Variants in CYRIA observed in about 807,000 individuals in gnomAD.
The protein encoded by CYRIA is CYFIP-related Rac1 interactor A.
In CYRIA, 15 loss-of-function variants were observed where a neutral mutation model predicts 43.9. The observed-to-expected ratio is 0.34, with a 90% CI of 0.23 to 0.53. CYRIA has a LOEUF of 0.53. Among genes scored for constraint, CYRIA ranks in the 20% least tolerant of loss-of-function variants. CYRIA has a pLI of 0.94. For missense variants in CYRIA, 236 were observed against 394.2 expected, an observed-to-expected ratio of 0.60 and a Z score of 3.40; for synonymous variants, 117 against 136.0, an observed-to-expected ratio of 0.86 and a Z score of 0.97.
intron 1 of CYRIA, among the ~76,000 whole-genome samples, chr2:16,645,581 C>T (rs1372473011): frequency 2.6e-5 from 4 of 152,090 alleles, no homozygotes; most frequent in East Asian, 3.9e-4. Context: ...AAGGTGATCA[C>T]GTCATTGGAA....
intron 10 of CYRIA, among the ~76,000 whole-genome samples, chr2:16,558,094 C>G (rs1373693675): frequency 1.3e-5 from 2 of 152,230 alleles, no homozygotes; most frequent in Non-Finnish European, 2.9e-5. Flanking sequence ...ACACAAGCAT[C>G]TATACTAAAA....
Position 16,559,835 on chromosome 2 carries a change from C to T in CYRIA, c.711-249G>A, listed in dbSNP as rs144946271. ...AATTCCCTTCTCATCTGCCCTTCAG[C>T]GGGCTAGCTCATCATGTACCTCACT... On this transcript the variant is annotated intron_variant, in intron 9 of 11. Coordinates refer to ENST00000381323, the MANE Select transcript of CYRIA (RefSeq NM_030797.4). Among the ~76,000 whole-genome samples, 173 of 152,260 alleles carry T rather than the reference C, an allele frequency of 1.1e-3. 2 individuals are homozygous for T. The highest frequency in any genetic ancestry group is 0.01 in the Admixed American group (160 of 15,290).
chr2:16,664,387 C>A (rs946197541), intron 1 of CYRIA, among the ~76,000 whole-genome samples: 1 of 152,112 alleles, frequency 6.6e-6, no homozygotes, highest in African/African-American at 2.4e-5. Flanking sequence ...AAAGACAGGA[C>A]AACGGACCAA....
intron 10 of CYRIA, 103 bp from the exon 11 acceptor site, chr2:16,555,242 C>T (rs149524306): frequency 3.6e-4 from 395 of 1,094,002 alleles, no homozygotes; most frequent in Non-Finnish European, 4.7e-4. Context: ...TATATCTTCC[C>T]ATAGAAATCC....
intron 2 of CYRIA, among the ~76,000 whole-genome samples, chr2:16,623,415 C>T (rs534620793): frequency 5.5e-4 from 83 of 152,258 alleles, no homozygotes; most frequent in Admixed American, 2.5e-3. Flanking sequence ...GCTGTAAGCG[C>T]CCTTGGATGA....
chr2:16,577,459 C>T (rs993215475), intron 3 of CYRIA, among the ~76,000 whole-genome samples: 1 of 152,012 alleles, frequency 6.6e-6, no homozygotes, highest in African/African-American at 2.4e-5. Context: ...CTACAAAATC[C>T]TTGTTATTTT....
At chr2:16,593,699 T>TGTG (rs200237311) in intron 2 of CYRIA, among the ~76,000 whole-genome samples, 6 of 82,196 alleles carry the variant, frequency 7.3e-5, no homozygotes, top group African/African-American at 2.6e-4. Context: ...TGTGTGTGTG[T>TGTG]TTTTTTTTGT....
intron 3 of CYRIA, among the ~76,000 whole-genome samples, 200 bp downstream of exon 3, chr2:16,587,850 G>A (rs933136968): frequency 6.6e-6 from 1 of 152,120 alleles, no homozygotes; most frequent in African/African-American, 2.4e-5. Flanking sequence ...CCTGAGCCAT[G>A]TGGAACCGTG....
At chr2:16,623,488 T>C (rs1233602813) in intron 2 of CYRIA, among the ~76,000 whole-genome samples, 2 of 152,224 alleles carry the variant, frequency 1.3e-5, no homozygotes. Flanking sequence ...GTCCGTTCTC[T>C]GACATGGGAT....
intron 3 of CYRIA, among the ~76,000 whole-genome samples, chr2:16,587,521 A>G (rs1277079995): frequency 6.6e-6 from 1 of 152,126 alleles, no homozygotes; most frequent in Non-Finnish European, 1.5e-5. Context: ...TTTCTTAAAA[A>G]TTAGGGAAAA....
chr2:16,582,738 C>T (rs747783096), intron 3 of CYRIA, among the ~76,000 whole-genome samples: 1 of 152,138 alleles, frequency 6.6e-6, no homozygotes, highest in Non-Finnish European at 1.5e-5. Context: ...ATTGATATAA[C>T]ATTTCATTTG....
chr2:16,652,775 C>T (rs1431726134), intron 1 of CYRIA, among the ~76,000 whole-genome samples: 4 of 152,106 alleles, frequency 2.6e-5, no homozygotes, highest in Non-Finnish European at 5.9e-5. Flanking sequence ...AGTTAATCCC[C>T]GGGGATTCTG....
At position 16,631,356 on chromosome 2, in the gene CYRIA, C is replaced by T. The variant is rs564949526; in HGVS notation, c.-166-7337G>A. Among the ~76,000 whole-genome samples the T allele has an allele frequency of 5.3e-5, 8 of 152,228 alleles. No individual in the cohort carries two copies. The East Asian group carries it at 5.8e-4, about 11-fold the overall frequency. On this transcript the variant is annotated intron_variant, in intron 1 of 11. Coordinates refer to ENST00000381323, the MANE Select transcript of CYRIA (RefSeq NM_030797.4). ...TCTCTGAGGGCAGTGAATAGCCCAG[C>T]GTAGCTGGGGAGGAAGGAAAGAGGT...
At chr2:16,556,059 C>G (rs1312791790) in intron 10 of CYRIA, among the ~76,000 whole-genome samples, 1 of 152,076 alleles carries the variant, frequency 6.6e-6, no homozygotes, top group African/African-American at 2.4e-5. Context: ...TTTGGCAAAG[C>G]AAGAATCTTT....
intron 1 of CYRIA, among the ~76,000 whole-genome samples, chr2:16,630,546 G>A (rs1669298306): frequency 6.6e-6 from 1 of 152,158 alleles, no homozygotes; most frequent in Non-Finnish European, 1.5e-5. Context: ...TTCAGGGCAG[G>A]AAAACACCTG....
At chr2:16,657,360 T>G (rs1670143539) in intron 1 of CYRIA, among the ~76,000 whole-genome samples, 1 of 152,144 alleles carries the variant, frequency 6.6e-6, no homozygotes, top group Admixed American at 6.5e-5. Flanking sequence ...AACCAAAACT[T>G]AATTATAAGC....
At chr2:16,656,370 A>C (rs143187721) in intron 1 of CYRIA, among the ~76,000 whole-genome samples, 1 of 152,202 alleles carries the variant, frequency 6.6e-6, no homozygotes, top group South Asian at 2.1e-4. Context: ...CATCATACTT[A>C]TACACTCACA....
chr2:16,632,806 C>T (rs986102530), intron 1 of CYRIA, among the ~76,000 whole-genome samples: 29 of 152,098 alleles, frequency 1.9e-4, no homozygotes, highest in African/African-American at 6.8e-4. Flanking sequence ...CTGGCAATTG[C>T]GCTCCAGACA....
intron 10 of CYRIA, among the ~76,000 whole-genome samples, chr2:16,555,349 A>G (rs566924222): frequency 6.9e-4 from 98 of 141,096 alleles, no homozygotes; most frequent in Non-Finnish European, 1.1e-3. Flanking sequence ...ATCATTATCA[A>G]TTTTCATACT....
Sources: allele counts gnomAD v4.1 joint callset (sites outside exome capture counted in the v4.1 genomes callset), GRCh38; gene constraint gnomAD v4.1.1; transcripts MANE v1.5; gene names NCBI Gene and HGNC (gene_info 2026-07-23, HGNC 2026-07-21).